The following SH3BP5 variants were observed in gnomAD, a reference collection of about 807,000 sequenced individuals.
The protein encoded by SH3BP5 is SH3 domain-binding protein 5.
In SH3BP5, 22 loss-of-function variants were observed where a neutral mutation model predicts 43.3. The ratio of observed to expected loss-of-function variants is 0.51; its 90% confidence interval spans 0.36 to 0.73. The LOEUF (loss-of-function observed/expected upper bound fraction) is 0.73. SH3BP5 is among the 30% of genes least tolerant of loss of function. The pLI, the probability that SH3BP5 is intolerant of heterozygous loss-of-function variation, is 0.00. For missense variants in SH3BP5, 529 were observed against 586.9 expected, an observed-to-expected ratio of 0.90 and a Z score of 1.02; for synonymous variants, 255 against 225.8, an observed-to-expected ratio of 1.13 and a Z score of -1.16.
chr3:15,296,339 T>TACACACACACAC (rs571693138), intron 3 of SH3BP5, among the ~76,000 whole-genome samples: 1 of 126,492 alleles, frequency 7.9e-6, no homozygotes, highest in Admixed American at 7.2e-5. Flanking sequence ...GGGGAAATCA[T>TACACACACACAC]ATACACACAC....
At chr3:15,314,973 C>T (rs1255221228) in intron 2 of SH3BP5, among the ~76,000 whole-genome samples, 1 of 151,908 alleles carries the variant, frequency 6.6e-6, no homozygotes, top group African/African-American at 2.4e-5. Context: ...ACAGAGGAAA[C>T]CAGAGGAGGG....
intron 4 of SH3BP5, among the ~76,000 whole-genome samples, chr3:15,265,879 T>A (rs541189860): frequency 6.6e-6 from 1 of 151,540 alleles, no homozygotes; most frequent in Admixed American, 6.6e-5. Context: ...CCACAGAAAA[T>A]AGCAAACACC....
At chr3:15,282,578 C>G (rs930753739) in intron 3 of SH3BP5, among the ~76,000 whole-genome samples, 1 of 151,658 alleles carries the variant, frequency 6.6e-6, no homozygotes, top group African/African-American at 2.4e-5. Context: ...TTTATCAAGA[C>G]AAAAAATAAC....
chr3:15,262,246 T>G lies in SH3BP5; in HGVS notation c.539A>C (p.His180Pro). The change falls in exon 5 of 9, where the codon CAT becomes CCT. Residue 180 changes from histidine to proline, a missense_variant. Around this residue, in one of 3 missense-constraint regions of SH3BP5, gnomAD observed 369 missense variants for 384.3 expected, o/e 0.96. Transcript: ENST00000383791. The stretch of plus-strand genomic sequence containing the variant: ...ATTGTACCTGGCTGCCGTCTCCTTA[T>G]GCACCAGCTCGCTCCTGGTCTTGGT... The part of the protein sequence containing the change: ...EQTKTRSELV[H>P]KETAARYNAA... The G allele has an allele frequency of 6.2e-7, 1 of 1,614,208 alleles. No homozygotes were observed. Among genetic ancestry groups the G allele is most frequent in the African/African-American group, 1.3e-5 (1 of 75,058 alleles).
At chr3:15,319,075 C>A (rs535211501) in intron 2 of SH3BP5, among the ~76,000 whole-genome samples, 1 of 152,186 alleles carries the variant, frequency 6.6e-6, no homozygotes, top group Admixed American at 6.5e-5. Flanking sequence ...ACCCTACCAC[C>A]CTGAATTACA....
chr3:15,294,330 T>TGTGTGTGTGCGCGC (rs565464561), intron 3 of SH3BP5, among the ~76,000 whole-genome samples: 6 of 121,506 alleles, frequency 4.9e-5, no homozygotes, highest in African/African-American at 1.2e-4. Context: ...TGTGTGTGTG[T>TGTGTGTGTGCGCGC]GCGCGCGCAT....
At chr3:15,337,611 C>G (rs1366696249) in intron 1 of SH3BP5, among the ~76,000 whole-genome samples, 1 of 152,010 alleles carries the variant, frequency 6.6e-6, no homozygotes, top group East Asian at 1.9e-4. Context: ...GAGACAGGCC[C>G]TCATGAAACC....
chr3:15,328,390 G>A (rs1698517914), intron 2 of SH3BP5, among the ~76,000 whole-genome samples: 1 of 151,370 alleles, frequency 6.6e-6, no homozygotes. Context: ...GCACATAGTA[G>A]GCGAGCAACT....
At chr3:15,304,609 G>A (rs1697847075) in intron 2 of SH3BP5, among the ~76,000 whole-genome samples, 1 of 152,096 alleles carries the variant, frequency 6.6e-6, no homozygotes, top group Admixed American at 6.5e-5. Flanking sequence ...GAGGTCAGGA[G>A]TTGGAGACCA....
Position 15,273,311 on chromosome 3 carries a change from G to A in SH3BP5, c.331-3434C>T, listed in dbSNP as rs112240493. 8.4e-5 allele frequency: 83 copies of A among 985,238 alleles called. No homozygotes were observed. The African/African-American group carries it at 1.0e-3, about 12-fold the overall frequency. 61.0% of individuals were successfully genotyped at this position (985,238 alleles called of 1,614,324 possible). A position where few individuals can be genotyped will look rare whatever the true frequency, so the allele number is the denominator to read the frequency against. ...AAGCAAGAAAAGATGCTCTTTTGAC[G>A]GCCTTCTGAAAGGTGGCTGCTGTAC... On this transcript the variant is annotated intron_variant, in intron 3 of 8. Transcript: ENST00000383791.
chr3:15,339,872 G>C (rs539186119), intron 1 of SH3BP5: 7 of 151,184 alleles, frequency 4.6e-5, no homozygotes, highest in Non-Finnish European at 7.4e-5. Context: ...AAAAAAAGAA[G>C]AAGAAAGATC....
intron 3 of SH3BP5, among the ~76,000 whole-genome samples, chr3:15,296,182 C>T (rs1344290160): frequency 6.6e-6 from 1 of 152,168 alleles, no homozygotes; most frequent in Non-Finnish European, 1.5e-5. Flanking sequence ...TCTGCCATAA[C>T]ACCACCTTCA....
rs181798164 is a variant in SH3BP5 at position 15,283,427 on chromosome 3, C to A, written c.331-13550G>T. ...AAGGAAAAGAAATATCTAAGATTGC[C>A]AATGAGGGGAGGTAAACAGTCAAAA... On this transcript the variant is annotated intron_variant, in intron 3 of 8. Coordinates refer to ENST00000383791, the MANE Select transcript of SH3BP5 (RefSeq NM_004844.5). Among the ~76,000 whole-genome samples the A allele has an allele frequency of 6.8e-3, 1,030 of 152,172 alleles. 11 individuals carry two copies. Among genetic ancestry groups the A allele is most frequent in the African/African-American group, 0.024 (990 of 41,510 alleles).
chr3:15,340,661 G>A (rs957843032), intron 1 of SH3BP5, among the ~76,000 whole-genome samples: 15 of 152,116 alleles, frequency 9.9e-5, no homozygotes, highest in African/African-American at 3.4e-4. Flanking sequence ...CGAATTGGGA[G>A]AATCACTTGA....
intron 2 of SH3BP5, among the ~76,000 whole-genome samples, chr3:15,329,188 C>T (rs556389142): frequency 1.4e-4 from 22 of 152,080 alleles, no homozygotes; most frequent in East Asian, 3.9e-4. Context: ...AATAGCCATA[C>T]GTTGCACATG....
chr3:15,330,814 G>A (rs943308989), intron 1 of SH3BP5: 2 of 914,584 alleles, frequency 2.2e-6, no homozygotes, highest in Non-Finnish European at 2.6e-6. Flanking sequence ...ATTTGTCAGA[G>A]GTCAACTATT....
chr3:15,279,114 G>A (rs1156530426), intron 3 of SH3BP5, among the ~76,000 whole-genome samples: 1 of 152,102 alleles, frequency 6.6e-6, no homozygotes, highest in East Asian at 1.9e-4. Flanking sequence ...AGGTTGCAGT[G>A]AGCCGAGATC....
rs778171672 is a variant in SH3BP5, at chr3:15,304,106, C to T, written c.327G>A (p.Arg109=). 6.2e-6 allele frequency: 10 copies of T among 1,613,926 alleles called. No individual in the cohort carries two copies. The highest frequency in any genetic ancestry group is 8.5e-6 in the Non-Finnish European group (10 of 1,179,912). Residue 109 remains arginine, a synonymous_variant, in exon 3 of 9, where the codon AGG becomes AGA. Coordinates refer to ENST00000383791, the MANE Select transcript of SH3BP5 (RefSeq NM_004844.5). ...GACATCTATGGGGCTATCTTACCTG[C>T]CTCGCCACCCTCCGTGCCTCCCAGT... ...KPYWEARRVA[R]QAQLEAQKAT... is the part of the protein sequence containing the mutation.
chr3:15,259,652 C>T (rs553979470), intron 6 of SH3BP5, 109 bp downstream of exon 6: 2 of 1,040,024 alleles, frequency 1.9e-6, no homozygotes, highest in South Asian at 1.3e-5. Context: ...CCTGTCTCTC[C>T]ACTTTCCCCT....
Sources: gnomAD v4.1 joint callset for allele counts (sites outside exome capture counted in the v4.1 genomes callset) on GRCh38, gnomAD v4.1.1 for gene constraint, gnomAD v4.1.1 regional missense constraint, MANE v1.5 for transcripts, NCBI Gene and HGNC (gene_info 2026-07-23, HGNC 2026-07-21) for gene names.